CCDC3: variants seen among roughly 807,000 people sequenced by gnomAD.
The protein encoded by CCDC3 is coiled-coil domain containing 3.
CCDC3 carries 24 observed loss-of-function variants against 21.4 expected under a neutral mutation model. The ratio of observed to expected loss-of-function variants is 1.12; its 90% CI spans 0.81 to 1.58. CCDC3 has a LOEUF of 1.58. Ranked by LOEUF, CCDC3 falls within the 40% of genes most tolerant of loss-of-function variation. The pLI, the probability that CCDC3 is intolerant of heterozygous loss-of-function variation, is 0.00. For missense variants in CCDC3, 425 were observed against 360.9 expected (o/e 1.18, Z -1.44); for synonymous variants, 186 against 166.0 (o/e 1.12, Z -0.93).
At chr10:12,909,477 A>T (rs1216160357) in intron 2 of CCDC3, among the ~76,000 whole-genome samples, 2 of 152,168 alleles carry the variant, frequency 1.3e-5, no homozygotes, top group East Asian at 1.9e-4. Context: ...ACCCGGGCTG[A>T]GTGAGGTGCA....
chr10:13,030,670 GA>G (rs1005529120), intron 5 of CCDC3, among the ~76,000 whole-genome samples: 8 of 147,614 alleles, frequency 5.4e-5, no homozygotes, highest in East Asian at 3.9e-4. Flanking sequence ...ATGGAAAGCA[GA>G]AAAAAAAAGC....
intron 4 of CCDC3, chr10:13,058,285 A>C: frequency 2.2e-6 from 3 of 1,364,380 alleles, no homozygotes; most frequent in Non-Finnish European, 3.1e-6. Flanking sequence ...TGCTTTCCAC[A>C]TCGTATTCAT....
intron 2 of CCDC3, 101 bp downstream of exon 2, chr10:12,998,237 G>C (rs1192070596): frequency 7.6e-7 from 1 of 1,317,296 alleles, no homozygotes; most frequent in Non-Finnish European, 1.1e-6. Flanking sequence ...CTCTGATCTG[G>C]GCTTTTGGAA....
chr10:13,009,539 G>C (rs7898316), intron 5 of CCDC3, among the ~76,000 whole-genome samples: 1 of 152,144 alleles, frequency 6.6e-6, no homozygotes, highest in Non-Finnish European at 1.5e-5. Context: ...GCTATAGTAA[G>C]CAATAAAGTG....
chr10:12,985,493 T>G (rs1283820764), intron 2 of CCDC3, among the ~76,000 whole-genome samples: 1 of 152,230 alleles, frequency 6.6e-6, no homozygotes, highest in Non-Finnish European at 1.5e-5. Context: ...CACCGCAACT[T>G]TATTCGTAAT....
intron 4 of CCDC3, among the ~76,000 whole-genome samples, chr10:13,068,512 A>G (rs1344878531): frequency 1.3e-5 from 2 of 152,222 alleles, no homozygotes; most frequent in East Asian, 3.8e-4. Context: ...TAAAATGTAG[A>G]TGTCATCAAA....
At chr10:13,055,765 G>C (rs570123764) in intron 4 of CCDC3, among the ~76,000 whole-genome samples, 55 of 152,272 alleles carry the variant, frequency 3.6e-4, no homozygotes, top group Non-Finnish European at 6.9e-4. Flanking sequence ...GCAAATTCCT[G>C]GTTACCTGCT....
chr10:12,965,883 A>G (rs1028192683), intron 2 of CCDC3, among the ~76,000 whole-genome samples: 2 of 152,232 alleles, frequency 1.3e-5, no homozygotes, highest in Non-Finnish European at 2.9e-5. Context: ...CAAAGTATGT[A>G]GAGAATAGGA....
chr10:12,970,358 G>T (rs1486572209), intron 2 of CCDC3, among the ~76,000 whole-genome samples: 2 of 152,016 alleles, frequency 1.3e-5, no homozygotes, highest in East Asian at 3.9e-4. Context: ...TCAACTTACG[G>T]TGGGTTTATT....
chr10:12,977,013 C>T (rs1589028034), intron 2 of CCDC3, among the ~76,000 whole-genome samples: 1 of 152,206 alleles, frequency 6.6e-6, no homozygotes, highest in Non-Finnish European at 1.5e-5. Flanking sequence ...GTGGCTCACG[C>T]CTGTAATCCC....
chr10:13,042,312 G>A (rs144629308), intron 5 of CCDC3, among the ~76,000 whole-genome samples: 246 of 152,318 alleles, frequency 1.6e-3, no homozygotes, highest in African/African-American at 5.6e-3. Flanking sequence ...CTACGGCTTG[G>A]GAACTAGGAC....
intron 4 of CCDC3, among the ~76,000 whole-genome samples, chr10:13,065,965 G>C (rs1836816329): frequency 6.6e-6 from 1 of 152,176 alleles, no homozygotes; most frequent in African/African-American, 2.4e-5. Flanking sequence ...AGTGGGAAGT[G>C]AGTTGGAAGA....
chr10:13,096,089 A>G (rs1832625638), intron 3 of CCDC3, among the ~76,000 whole-genome samples: 1 of 151,972 alleles, frequency 6.6e-6, no homozygotes, highest in African/African-American at 2.4e-5. Flanking sequence ...AATATTACAT[A>G]TCTTTTCTTT....
At chr10:12,952,341 C>T in intron 2 of CCDC3, among the ~76,000 whole-genome samples, 1 of 152,182 alleles carries the variant, frequency 6.6e-6, no homozygotes, top group East Asian at 1.9e-4. Flanking sequence ...TTAGGACAAT[C>T]CCCAAACTCA....
intron 5 of CCDC3, among the ~76,000 whole-genome samples, chr10:13,033,568 G>A (rs1304608751): frequency 2.0e-5 from 3 of 152,130 alleles, no homozygotes; most frequent in South Asian, 2.1e-4. Flanking sequence ...TACAGAATGG[G>A]AGAAAATTTT....
chr10:13,061,620 A>C (rs749702099), intron 4 of CCDC3, among the ~76,000 whole-genome samples: 5 of 152,208 alleles, frequency 3.3e-5, no homozygotes, highest in Non-Finnish European at 7.3e-5. Flanking sequence ...TACATTTGAG[A>C]AATACACTGG....
In CCDC3 at chr10:12,898,404, C is replaced by G. The variant is rs1834033980; in HGVS notation, c.*12G>C. The stretch of plus-strand genomic sequence containing the variant: ...AGGATTGGCCCTGCACACCTGGCAG[C>G]CCCCAGGCCCGTTACCCCCGCAGGT... On this transcript the variant is annotated 3_prime_UTR_variant, in exon 3 of 3. Coordinates refer to ENST00000378825, the MANE Select transcript of CCDC3 (RefSeq NM_031455.4). 1 of 1,577,072 alleles carries G rather than the reference C, an allele frequency of 6.3e-7. No homozygotes were observed. The highest frequency in any genetic ancestry group is 1.8e-5 in the Admixed American group (1 of 54,472).
chr10:12,912,872 T>C (rs1019301799), intron 2 of CCDC3, among the ~76,000 whole-genome samples: 9 of 152,240 alleles, frequency 5.9e-5, no homozygotes, highest in African/African-American at 1.9e-4. Context: ...GACTGTCCTC[T>C]CCCCGTTGCA....
intron 2 of CCDC3, among the ~76,000 whole-genome samples, chr10:12,952,329 A>G (rs1835019987): frequency 6.6e-6 from 1 of 152,242 alleles, no homozygotes; most frequent in East Asian, 1.9e-4. Flanking sequence ...TGATAGAATG[A>G]ATTAGGACAA....
Sources: gnomAD v4.1 joint callset for allele counts (sites outside exome capture counted in the v4.1 genomes callset) on GRCh38, gnomAD v4.1.1 for gene constraint, MANE v1.5 for transcripts, NCBI Gene and HGNC (gene_info 2026-07-23, HGNC 2026-07-21) for gene names.